The following OPCML variants were observed in gnomAD, a reference collection of about 807,000 sequenced individuals.
OPCML encodes the protein opioid-binding protein/cell adhesion molecule.
OPCML carries 13 observed loss-of-function variants against 37.8 expected under a neutral mutation model. The observed-to-expected ratio is 0.34, with a 90% CI of 0.22 to 0.55. The LOEUF (loss-of-function observed/expected upper bound fraction) is 0.55. OPCML is among the 20% of genes least tolerant of loss of function. The pLI is 0.91. For synonymous variants in OPCML, 176 were observed against 168.8 expected, an observed-to-expected ratio of 1.04 and a Z score of -0.33; for missense variants, 341 against 435.6, an observed-to-expected ratio of 0.78 and a Z score of 1.93.
intron 1 of OPCML, among the ~76,000 whole-genome samples, chr11:133,495,007 C>G (rs1001225167): frequency 1.3e-4 from 20 of 151,866 alleles, no homozygotes; most frequent in African/African-American, 4.1e-4. Flanking sequence ...GGTGCATCAC[C>G]CAAGCAGTAT....
chr11:133,238,645 C>T (rs1031950123), intron 1 of OPCML, among the ~76,000 whole-genome samples: 11 of 152,240 alleles, frequency 7.2e-5, no homozygotes, highest in South Asian at 2.1e-4. Context: ...CAGAGCCTCC[C>T]GCCCTAAGAA....
chr11:132,546,230 G>A (rs1268746850), intron 3 of OPCML, among the ~76,000 whole-genome samples: 2 of 152,094 alleles, frequency 1.3e-5, no homozygotes, highest in Non-Finnish European at 2.9e-5. Context: ...AGAAGTTGCT[G>A]GGCTTGCCAG....
At chr11:132,428,953 C>T (rs541927197) in intron 7 of OPCML, among the ~76,000 whole-genome samples, 2 of 152,222 alleles carry the variant, frequency 1.3e-5, no homozygotes, top group Non-Finnish European at 2.9e-5. Context: ...TTCTGTTTCT[C>T]CTGGTACTTT....
intron 3 of OPCML, among the ~76,000 whole-genome samples, chr11:132,543,144 T>A (rs763320763): frequency 6.6e-6 from 1 of 152,208 alleles, no homozygotes; most frequent in African/African-American, 2.4e-5. Flanking sequence ...GGCATGCAGA[T>A]GATAGAGCTA....
At chr11:132,545,408 A>G (rs563788456) in intron 3 of OPCML, among the ~76,000 whole-genome samples, 65 of 152,322 alleles carry the variant, frequency 4.3e-4, no homozygotes, top group African/African-American at 1.5e-3. Context: ...TCTCTTTCCC[A>G]GTAAATAGGA....
intron 1 of OPCML, among the ~76,000 whole-genome samples, chr11:133,055,840 C>T (rs4937744): frequency 0.26 from 37,912 of 147,948 alleles, 4,701 homozygotes; most frequent in East Asian, 0.46. Context: ...ATGAGGGAGC[C>T]GCCTCTACCG....
At chr11:132,778,643 T>C (rs2136143346) in intron 2 of OPCML, among the ~76,000 whole-genome samples, 1 of 152,338 alleles carries the variant, frequency 6.6e-6, no homozygotes, top group South Asian at 2.1e-4. Flanking sequence ...TTACTGTCAC[T>C]GTAATTTTCT....
At position 132,901,203 on chromosome 11, in the gene OPCML, T is replaced by C. The variant is rs188452203; in HGVS notation, c.146+41723A>G. On this transcript the variant is annotated intron_variant, in intron 2 of 7. Coordinates refer to ENST00000524381, the MANE Select transcript of OPCML (RefSeq NM_001012393.5). ...TCTCAAAAAATAAATAAATAAATAATAAATAATAAATAAATAAAGTCTATC... is the reference window on the plus strand; with the variant it reads ...TCTCAAAAAATAAATAAATAAATAACAAATAATAAATAAATAAAGTCTATC... 3.9e-3 allele frequency among the ~76,000 whole-genome samples: 597 copies of C among 151,862 alleles called. 6 individuals carry two copies. Among genetic ancestry groups the C allele is most frequent in the African/African-American group, 0.014 (562 of 41,460 alleles).
intron 2 of OPCML, among the ~76,000 whole-genome samples, chr11:132,843,092 C>CTTTTTTT (rs56036372): frequency 8.1e-6 from 1 of 123,330 alleles, no homozygotes. Flanking sequence ...CTTTTTCTTT[C>CTTTTTTT]TTTTTTTTTT....
chr11:133,125,951 G>GTATATAGTGTATA (rs1278824647), intron 1 of OPCML, among the ~76,000 whole-genome samples: 1 of 145,762 alleles, frequency 6.9e-6, no homozygotes, highest in African/African-American at 2.5e-5. Context: ...ATAGACACAT[G>GTATATAGTGTATA]TATATAGTGT....
At position 132,442,621 on chromosome 11, in the gene OPCML, A is replaced by G. The variant is rs567299548; in HGVS notation, c.506-5262T>C. Reference sequence around the variant, plus strand: ...TTGGCAGTGTCCCCACCCAAATCTCACCTTGAATTGTAATTATCCCCACGT... The same window carrying G: ...TTGGCAGTGTCCCCACCCAAATCTCGCCTTGAATTGTAATTATCCCCACGT... On this transcript the variant is annotated intron_variant, in intron 4 of 7. Coordinates refer to ENST00000524381, the MANE Select transcript of OPCML (RefSeq NM_001012393.5). 3.2e-4 allele frequency among the ~76,000 whole-genome samples: 48 copies of G among 152,242 alleles called. 1 individual carries two copies. In the South Asian group the frequency reaches 6.6e-3, roughly 21 times the overall value.
chr11:133,258,013 C>T lies in OPCML; in HGVS notation c.61+274251G>A, dbSNP rs546769762. On this transcript the variant is annotated intron_variant, in intron 1 of 7. Transcript: ENST00000524381. ...TTGTATCTGGGGGTGAGTTAAGAAG[C>T]GGTGGTAGTCAGCTGCTGAGAATTT... Among the ~76,000 whole-genome samples, 8 of 152,286 alleles carry T rather than the reference C, an allele frequency of 5.3e-5. No individual in the cohort carries two copies. The East Asian group carries it at 5.8e-4, about 11-fold the overall frequency.
At chr11:133,431,720 C>T (rs1490069431) in intron 1 of OPCML, among the ~76,000 whole-genome samples, 3 of 151,246 alleles carry the variant, frequency 2.0e-5, no homozygotes, top group Admixed American at 1.3e-4. Flanking sequence ...CAGCCTCAGC[C>T]TCCTAAAGTG....
At chr11:132,743,860 T>A (rs1007968471) in intron 2 of OPCML, among the ~76,000 whole-genome samples, 2 of 152,184 alleles carry the variant, frequency 1.3e-5, no homozygotes, top group African/African-American at 4.8e-5. Flanking sequence ...CAAAAATGTC[T>A]CTATTCATTT....
intron 1 of OPCML, among the ~76,000 whole-genome samples, chr11:133,281,712 A>G (rs1942163501): frequency 6.6e-6 from 1 of 152,008 alleles, no homozygotes; most frequent in African/African-American, 2.4e-5. Context: ...AGAAGTTTGG[A>G]ACTTCTTAGA....
At chr11:132,531,143 G>A (rs1024300199) in intron 3 of OPCML, among the ~76,000 whole-genome samples, 11 of 152,204 alleles carry the variant, frequency 7.2e-5, no homozygotes, top group Admixed American at 2.0e-4. Flanking sequence ...ACTCCTCAGT[G>A]TAAATCACAC....
intron 1 of OPCML, among the ~76,000 whole-genome samples, chr11:133,475,141 C>T (rs1947211514): frequency 6.6e-6 from 1 of 152,072 alleles, no homozygotes; most frequent in African/African-American, 2.4e-5. Context: ...TATTCCTACA[C>T]AACTGAATGT....
At chr11:133,331,097 T>A (rs1304259316) in intron 1 of OPCML, among the ~76,000 whole-genome samples, 1 of 152,172 alleles carries the variant, frequency 6.6e-6, no homozygotes, top group Non-Finnish European at 1.5e-5. Flanking sequence ...GAGAAAGGGA[T>A]TTGGTCACTC....
intron 3 of OPCML, among the ~76,000 whole-genome samples, chr11:132,565,869 C>T (rs1591558911): frequency 6.6e-6 from 1 of 152,106 alleles, no homozygotes; most frequent in East Asian, 1.9e-4. Context: ...CCTGTCTCTA[C>T]TAAAAATACA....
Sources: gnomAD v4.1 joint callset for allele counts (sites outside exome capture counted in the v4.1 genomes callset) on GRCh38, gnomAD v4.1.1 for gene constraint, MANE v1.5 for transcripts, NCBI Gene and HGNC (gene_info 2026-07-23, HGNC 2026-07-21) for gene names.